The following MEI4 variants were observed in gnomAD, a reference collection of about 807,000 sequenced individuals.
MEI4 encodes the protein meiosis-specific protein MEI4.
MEI4 carries 27 observed loss-of-function variants against 31.4 expected under a neutral mutation model. That is an observed-to-expected ratio of 0.86 (90% CI 0.63 to 1.19). The LOEUF (loss-of-function observed/expected upper bound fraction) is 1.19. Among genes scored for constraint, MEI4 ranks in the 50% most tolerant of loss-of-function variants. The pLI is 0.00. For missense variants in MEI4, 329 were observed against 398.9 expected, an observed-to-expected ratio of 0.82 and a Z score of 1.49; for synonymous variants, 122 against 145.4, an observed-to-expected ratio of 0.84 and a Z score of 1.16.
At chr6:77,813,920 A>T (rs567327990) in intron 3 of MEI4, among the ~76,000 whole-genome samples, 88 of 152,186 alleles carry the variant, frequency 5.8e-4, no homozygotes, top group Non-Finnish European at 1.0e-3. Flanking sequence ...ATGATTTTCA[A>T]TAATAACATT....
chr6:77,694,214 G>A (rs1283172124), intron 2 of MEI4, among the ~76,000 whole-genome samples: 5 of 150,968 alleles, frequency 3.3e-5, no homozygotes, highest in African/African-American at 1.2e-4. Flanking sequence ...AATGTAACTG[G>A]GTGCCTGGGC....
At chr6:77,808,905 T>C (rs1010048810) in intron 3 of MEI4, among the ~76,000 whole-genome samples, 1 of 152,158 alleles carries the variant, frequency 6.6e-6, no homozygotes, top group Non-Finnish European at 1.5e-5. Flanking sequence ...TACTCCTGCA[T>C]TGATCAATTC....
intron 4 of MEI4, among the ~76,000 whole-genome samples, chr6:77,893,033 T>C (rs926239153): frequency 3.9e-5 from 6 of 152,162 alleles, no homozygotes; most frequent in Non-Finnish European, 7.4e-5. Flanking sequence ...TTTCCCACAA[T>C]GGAGAGTGCC....
chr6:77,794,530 C>T (rs866001643), intron 3 of MEI4, among the ~76,000 whole-genome samples: 1 of 152,102 alleles, frequency 6.6e-6, no homozygotes, highest in Non-Finnish European at 1.5e-5. Context: ...CCACTGCACT[C>T]CAGCCTGGGT....
chr6:77,794,166 C>A (rs904670585), intron 3 of MEI4, among the ~76,000 whole-genome samples: 10 of 152,146 alleles, frequency 6.6e-5, no homozygotes, highest in Non-Finnish European at 1.5e-4. Flanking sequence ...TTACATCAGA[C>A]AAAAGAATCT....
chr6:77,771,945 TAA>T (rs1768329599), intron 3 of MEI4, among the ~76,000 whole-genome samples: 1 of 151,948 alleles, frequency 6.6e-6, no homozygotes, highest in Non-Finnish European at 1.5e-5. Flanking sequence ...AAATAAAAGT[TAA>T]GAGAAAATTA....
At chr6:77,854,455 TTATC>T (rs1373932272) in intron 4 of MEI4, among the ~76,000 whole-genome samples, 1 of 150,890 alleles carries the variant, frequency 6.6e-6, no homozygotes, top group Non-Finnish European at 1.5e-5. Context: ...CTAATCCAGA[TTATC>T]TAAATTTCCA....
At chr6:77,889,230 G>A (rs562443437) in intron 4 of MEI4, among the ~76,000 whole-genome samples, 1 of 152,282 alleles carries the variant, frequency 6.6e-6, no homozygotes, top group East Asian at 1.9e-4. Context: ...TTGGAAGTTT[G>A]GAGGGCTGAG....
chr6:77,669,161 T>A (rs1768691247), intron 1 of MEI4, among the ~76,000 whole-genome samples: 2 of 152,158 alleles, frequency 1.3e-5, no homozygotes, highest in African/African-American at 4.8e-5. Flanking sequence ...TTATTAAGAT[T>A]TAAATAAAAA....
At chr6:77,917,114 G>A (rs1264475161) in intron 4 of MEI4, among the ~76,000 whole-genome samples, 4 of 151,766 alleles carry the variant, frequency 2.6e-5, no homozygotes, top group Non-Finnish European at 4.4e-5. Context: ...CATTTTTTAT[G>A]GCTGCATAGT....
At chr6:77,890,674 A>G (rs1015775660) in intron 4 of MEI4, among the ~76,000 whole-genome samples, 140 of 152,230 alleles carry the variant, frequency 9.2e-4, no homozygotes, top group African/African-American at 3.2e-3. Context: ...GTGGAATGAT[A>G]TGGTTTGGCT....
chr6:77,763,530 T>C (rs1768091971), intron 3 of MEI4, among the ~76,000 whole-genome samples: 1 of 152,190 alleles, frequency 6.6e-6, no homozygotes, highest in African/African-American at 2.4e-5. Flanking sequence ...CTTGTTCTTC[T>C]ACTGTTGACC....
Position 77,713,515 on chromosome 6 carries a change from C to T in MEI4, c.232+22612C>T, listed in dbSNP as rs144950586. ...GAGTGTTGTGTGAGTTTTTTTCTTC[C>T]AGTGAAATTGAATGATGGGCATCAT... is the stretch of plus-strand genomic sequence containing the variant. On this transcript the variant is annotated intron_variant, in intron 2 of 4. Transcript: ENST00000684080. Among the ~76,000 whole-genome samples the T allele has an allele frequency of 1.4e-3, 213 of 152,142 alleles. 1 individual carries two copies. The highest frequency in any genetic ancestry group is 4.5e-3 in the African/African-American group (187 of 41,518).
chr6:77,900,886 C>G (rs1252327863), intron 4 of MEI4, among the ~76,000 whole-genome samples: 1 of 151,900 alleles, frequency 6.6e-6, no homozygotes, highest in East Asian at 1.9e-4. Flanking sequence ...TCCTCGGTCT[C>G]TGGTAACCAA....
Position 77,690,685 on chromosome 6 carries a change from A to C in MEI4, c.14A>C (p.Lys5Thr), listed in dbSNP as rs545132696. Residue 5 changes from lysine to threonine, a missense_variant, in exon 2 of 5, where the codon AAA becomes ACA. Coordinates refer to ENST00000684080, the MANE Select transcript of MEI4 (RefSeq NM_001322247.2). MDVQ[K>T]WYLRTSKLAL... ...ACAAAAGCCAGGATGGATGTTCAAAAATGGTATTTGAGAACTTCAAAGCTG... is the reference window on the plus strand; with the variant it reads ...ACAAAAGCCAGGATGGATGTTCAAACATGGTATTTGAGAACTTCAAAGCTG... 1.6e-4 allele frequency: 200 copies of C among 1,231,000 alleles called. No homozygotes were observed. The highest frequency in any genetic ancestry group is 1.9e-4 in the Non-Finnish European group (191 of 987,124). The allele number at this position is 1,231,000 out of a possible 1,614,324, so 76.3% of individuals were successfully genotyped here.
intron 4 of MEI4, among the ~76,000 whole-genome samples, chr6:77,917,295 A>T (rs947006803): frequency 1.3e-4 from 19 of 150,146 alleles, no homozygotes; most frequent in Non-Finnish European, 2.4e-4. Context: ...CAGTAATGGG[A>T]TGGCTGGGTC....
rs909803057 is a variant in MEI4, at chr6:77,791,013, A to G, written c.768+29348A>G. On this transcript the variant is annotated intron_variant, in intron 3 of 4. Transcript: ENST00000684080. ...TCTCACACCAGTTAGAATGGCAATC[A>G]TTAAAAAGTCAGGAAACAACAGGTG... 3.3e-5 allele frequency among the ~76,000 whole-genome samples: 5 copies of G among 152,140 alleles called. No homozygotes were observed. The East Asian group carries it at 9.6e-4, about 29-fold the overall frequency.
At chr6:77,697,021 C>G (rs1458527775) in intron 2 of MEI4, among the ~76,000 whole-genome samples, 1 of 152,114 alleles carries the variant, frequency 6.6e-6, no homozygotes, top group Admixed American at 6.5e-5. Flanking sequence ...AGGAATTTAT[C>G]CATTTCTTCT....
chr6:77,652,117 G>T (rs980100053), upstream of MEI4, among the ~76,000 whole-genome samples: 1 of 152,146 alleles, frequency 6.6e-6, no homozygotes, highest in Non-Finnish European at 1.5e-5. Context: ...GCTAAATTAG[G>T]CTAGGTCACT....
Sources: allele counts gnomAD v4.1 joint callset (sites outside exome capture counted in the v4.1 genomes callset), GRCh38; gene constraint gnomAD v4.1.1; transcripts MANE v1.5; gene names NCBI Gene and HGNC (gene_info 2026-07-23, HGNC 2026-07-21).